Variants in PTBP3 observed in about 807,000 individuals in gnomAD.
PTBP3 encodes the protein polypyrimidine tract-binding protein 3.
A neutral mutation model predicts 58.7 loss-of-function variants in PTBP3; 20 were observed. That is an observed-to-expected ratio of 0.34 (90% confidence interval 0.24 to 0.50). PTBP3 has a LOEUF of 0.50. Ranked by LOEUF, PTBP3 falls within the 20% of genes least tolerant of loss-of-function variation. The pLI, the probability that PTBP3 is intolerant of heterozygous loss-of-function variation, is 0.98. For missense variants in PTBP3, 509 were observed against 637.2 expected, an observed-to-expected ratio of 0.80 and a Z score of 2.17; for synonymous variants, 185 against 219.8, an observed-to-expected ratio of 0.84 and a Z score of 1.40.
At chr9:112,274,542 T>C (rs1335290720) in intron 3 of PTBP3, among the ~76,000 whole-genome samples, 1 of 152,196 alleles carries the variant, frequency 6.6e-6, no homozygotes, top group Non-Finnish European at 1.5e-5. Flanking sequence ...AAAATCAACA[T>C]GACAAGTATT....
intron 1 of PTBP3, among the ~76,000 whole-genome samples, chr9:112,302,253 G>A (rs1405200558): frequency 6.6e-6 from 1 of 152,056 alleles, no homozygotes; most frequent in African/African-American, 2.4e-5. Flanking sequence ...GGATACAACA[G>A]CTCAAGGGAA....
the PTBP3 span, among the ~76,000 whole-genome samples, chr9:112,358,011 TAAAC>T: frequency 1.3e-5 from 2 of 152,096 alleles, no homozygotes; most frequent in African/African-American, 2.4e-5. Context: ...TTTACAAAAA[TAAAC>T]AAAAAAATTT....
In PTBP3 at chr9:112,333,590, G is replaced by T; in HGVS notation, c.-172C>A. The T allele has an allele frequency of 7.5e-7, 1 of 1,330,740 alleles. No homozygotes were observed. The highest frequency in any genetic ancestry group is 1.1e-6 in the Non-Finnish European group (1 of 951,208). The allele number at this position is 1,330,740 out of a possible 1,614,324, so 82.4% of individuals were successfully genotyped here. On this transcript the variant is annotated 5_prime_UTR_variant, in exon 1 of 14. Coordinates refer to ENST00000374257, the MANE Select transcript of PTBP3 (RefSeq NM_001163788.4). ...GACAAGCGAGCTTTGGCTCTGCGGAGCCCCGGCCGGTCCGAGGTGGAAGGA... is the reference window on the plus strand; with the variant it reads ...GACAAGCGAGCTTTGGCTCTGCGGATCCCCGGCCGGTCCGAGGTGGAAGGA...
Position 112,333,562 on chromosome 9 carries a change from G to C in PTBP3, c.-144C>G. On this transcript the variant is annotated 5_prime_UTR_variant, in exon 1 of 14. Transcript: ENST00000374257. ...CAGGCGGCGGCAGCAGGGCGGTTCC[G>C]GGGACAAGCGAGCTTTGGCTCTGCG... The C allele has an allele frequency of 6.7e-7, 1 of 1,496,622 alleles. No homozygotes were observed. The highest frequency in any genetic ancestry group is 9.1e-7 in the Non-Finnish European group (1 of 1,094,468). 92.7% of individuals were successfully genotyped at this position (1,496,622 alleles called of 1,614,324 possible).
intron 4 of PTBP3, among the ~76,000 whole-genome samples, chr9:112,266,557 A>C (rs747150828): frequency 5.3e-5 from 8 of 152,214 alleles, no homozygotes; most frequent in Admixed American, 2.6e-4. Flanking sequence ...AATATGCTGC[A>C]TTGGAATATA....
chr9:112,345,550 AT>A, the PTBP3 span, among the ~76,000 whole-genome samples: 13 of 144,244 alleles, frequency 9.0e-5, no homozygotes, highest in Admixed American at 1.4e-4. Context: ...TAATTTTTGT[AT>A]TTTTTTTTTC....
chr9:112,315,750 A>G lies in PTBP3; in HGVS notation c.-52+17720T>C, dbSNP rs1457153031. Among the ~76,000 whole-genome samples, 3 of 152,262 alleles carry G rather than the reference A, an allele frequency of 2.0e-5. No individual in the cohort carries two copies. In the East Asian group the frequency reaches 5.8e-4, roughly 29 times the overall value. On this transcript the variant is annotated intron_variant, in intron 1 of 13. Transcript: ENST00000374257. Reference sequence around the variant, plus strand: ...ATGAATTCTATCAAAGAGTTTTAAAAGAAATAATACCAATCTTACACAAAT... The same window carrying G: ...ATGAATTCTATCAAAGAGTTTTAAAGGAAATAATACCAATCTTACACAAAT...
the PTBP3 span, among the ~76,000 whole-genome samples, chr9:112,359,380 A>C: frequency 1.6e-4 from 24 of 152,140 alleles, no homozygotes; most frequent in Non-Finnish European, 3.1e-4. Flanking sequence ...CAGGAGGCAG[A>C]GGTTGCAGTG....
At chr9:112,230,862 C>T (rs1296536863) in intron 10 of PTBP3, among the ~76,000 whole-genome samples, 1 of 152,150 alleles carries the variant, frequency 6.6e-6, no homozygotes, top group Non-Finnish European at 1.5e-5. Flanking sequence ...TCGCATTATA[C>T]CACTCTCTTG....
chr9:112,362,360 T>C, the PTBP3 span, among the ~76,000 whole-genome samples: 2 of 152,338 alleles, frequency 1.3e-5, no homozygotes, highest in African/African-American at 4.8e-5. Context: ...GGGTTGTTCA[T>C]TTTTCTGTAG....
At chr9:112,289,287 TTTG>T (rs984278573) in intron 2 of PTBP3, among the ~76,000 whole-genome samples, 1 of 152,192 alleles carries the variant, frequency 6.6e-6, no homozygotes, top group African/African-American at 2.4e-5. Context: ...TACTTCAGAA[TTTG>T]TTGAACGTGA....
the PTBP3 span, among the ~76,000 whole-genome samples, chr9:112,345,860 T>C: frequency 6.6e-6 from 1 of 152,032 alleles, no homozygotes; most frequent in Non-Finnish European, 1.5e-5. Context: ...ATTTTCTTTT[T>C]TTTTTTCTTT....
At chr9:112,318,132 A>C (rs777812106) in intron 1 of PTBP3, among the ~76,000 whole-genome samples, 1 of 152,204 alleles carries the variant, frequency 6.6e-6, no homozygotes, top group Non-Finnish European at 1.5e-5. Flanking sequence ...CCTACAGCTA[A>C]GAAAAACTGC....
chr9:112,306,549 T>C (rs1829221006), intron 1 of PTBP3, among the ~76,000 whole-genome samples: 1 of 151,538 alleles, frequency 6.6e-6, no homozygotes, highest in Admixed American at 6.6e-5. Flanking sequence ...TGATCAAATA[T>C]TCAAGTACAG....
the PTBP3 span, among the ~76,000 whole-genome samples, chr9:112,368,963 CCATTG>C: frequency 6.6e-6 from 1 of 152,230 alleles, no homozygotes; most frequent in Non-Finnish European, 1.5e-5. Context: ...ACAGCTCAGG[CCATTG>C]CTTCAGAGGG....
downstream of PTBP3, chr9:112,218,062 A>T (rs1054812231): frequency 3.9e-5 from 6 of 152,208 alleles, no homozygotes; most frequent in African/African-American, 1.4e-4. Flanking sequence ...AAAACTGGAA[A>T]TAGTGTTCCA....
intron 7 of PTBP3, among the ~76,000 whole-genome samples, chr9:112,243,402 C>T (rs747916257): frequency 3.9e-5 from 6 of 152,072 alleles, no homozygotes; most frequent in Non-Finnish European, 8.8e-5. Context: ...ATTAGCTAGA[C>T]GTGGTGGCAG....
intron 3 of PTBP3, among the ~76,000 whole-genome samples, chr9:112,274,799 T>C (rs1354548499): frequency 6.6e-6 from 1 of 152,130 alleles, no homozygotes; most frequent in Non-Finnish European, 1.5e-5. Flanking sequence ...GTAAAGCAGG[T>C]AAATCCCCAA....
At chr9:112,290,701 T>TACACACACACAC (rs1376874308) in intron 2 of PTBP3, among the ~76,000 whole-genome samples, 707 of 64,706 alleles carry the variant, frequency 0.011, 3 homozygotes, top group Non-Finnish European at 0.014. Context: ...TATATATATA[T>TACACACACACAC]ATATATACAC....
Sources: allele counts gnomAD v4.1 joint callset (sites outside exome capture counted in the v4.1 genomes callset), GRCh38; gene constraint gnomAD v4.1.1; transcripts MANE v1.5; gene names NCBI Gene and HGNC (gene_info 2026-07-23, HGNC 2026-07-21).